Variants in TSPEAR observed in about 807,000 individuals in gnomAD.
The protein encoded by TSPEAR is thrombospondin-type laminin G domain and EAR repeat-containing protein.
TSPEAR carries 69 observed loss-of-function variants against 71.6 expected under a neutral mutation model. The observed-to-expected ratio is 0.96, with a 90% CI of 0.79 to 1.18. The LOEUF is 1.18. Ranked by LOEUF, TSPEAR falls within the 50% of genes most tolerant of loss-of-function variation. TSPEAR has a pLI of 0.00. For synonymous variants in TSPEAR, 402 were observed against 387.2 expected (o/e 1.04, Z -0.45); for missense variants, 971 against 894.9 (o/e 1.09, Z -1.09).
intron 2 of TSPEAR, among the ~76,000 whole-genome samples, chr21:44,566,626 A>G (rs2053706709): frequency 6.6e-6 from 1 of 152,188 alleles, no homozygotes; most frequent in Non-Finnish European, 1.5e-5. Flanking sequence ...CTTGGTTACT[A>G]CAGTAACCAA....
chr21:44,578,672 T>A (rs1472876807), intron 1 of TSPEAR, among the ~76,000 whole-genome samples: 2 of 152,118 alleles, frequency 1.3e-5, no homozygotes, highest in African/African-American at 4.8e-5. Flanking sequence ...TGAGATGGCC[T>A]TGCAGGGAGG....
chr21:44,530,061 G>A, intron 4 of TSPEAR, 107 bp from the exon 5 acceptor site: 2 of 1,187,322 alleles, frequency 1.7e-6, no homozygotes, highest in Non-Finnish European at 2.3e-6. Context: ...AGGCTCGGGT[G>A]GATGGAATCT....
At chr21:44,694,903 C>A (rs149463601) in intron 1 of TSPEAR, among the ~76,000 whole-genome samples, 1 of 152,170 alleles carries the variant, frequency 6.6e-6, no homozygotes, top group Non-Finnish European at 1.5e-5. Flanking sequence ...GAGGACACTC[C>A]GGGTGGAATG....
intron 1 of TSPEAR, among the ~76,000 whole-genome samples, chr21:44,589,892 TGAAG>T (rs1555926183): frequency 6.6e-6 from 1 of 152,186 alleles, no homozygotes; most frequent in Non-Finnish European, 1.5e-5. Context: ...AGCCCTAGGA[TGAAG>T]GCTCGGCCCC....
chr21:44,702,563 G>C, intron 1 of TSPEAR: 1 of 1,609,402 alleles, frequency 6.2e-7, no homozygotes, highest in Non-Finnish European at 8.5e-7. Context: ...CAGCAGTCTA[G>C]CTGCCAGCCG....
rs557990884 is a variant in TSPEAR at position 44,692,824 on chromosome 21, C to T, written c.82+18609G>A. On this transcript the variant is annotated intron_variant, in intron 1 of 11. Coordinates refer to ENST00000323084, the MANE Select transcript of TSPEAR (RefSeq NM_144991.3). ...ATTCAATGCAGTCCTTATCAAAATTCCAAGTCTTTTTTTTTTCCAGAAATG... is the reference window on the plus strand; with the variant it reads ...ATTCAATGCAGTCCTTATCAAAATTTCAAGTCTTTTTTTTTTCCAGAAATG... Among the ~76,000 whole-genome samples, 12 of 152,120 alleles carry T rather than the reference C, an allele frequency of 7.9e-5. No homozygotes were observed. The East Asian group carries it at 2.1e-3, about 27-fold the overall frequency.
chr21:44,580,637 G>C, intron 1 of TSPEAR: 1 of 1,534,260 alleles, frequency 6.5e-7, no homozygotes, highest in Non-Finnish European at 8.9e-7. Context: ...GTGAGTGTGT[G>C]AGTGAGTGAA....
At chr21:44,678,198 A>G (rs1210710619) in intron 1 of TSPEAR, 1 of 424,934 alleles carries the variant, frequency 2.4e-6, no homozygotes, top group Non-Finnish European at 4.3e-6. Flanking sequence ...TCCTATTGAT[A>G]TGGTTTGGAT....
At chr21:44,537,424 CAT>C (rs1184462460) in intron 2 of TSPEAR, among the ~76,000 whole-genome samples, 39 of 152,254 alleles carry the variant, frequency 2.6e-4, no homozygotes, top group African/African-American at 9.4e-4. Context: ...AGCTGAATAA[CAT>C]GGATAAAACA....
chr21:44,566,342 T>C (rs2053703057), intron 2 of TSPEAR, among the ~76,000 whole-genome samples: 1 of 152,176 alleles, frequency 6.6e-6, no homozygotes, highest in Non-Finnish European at 1.5e-5. Flanking sequence ...TATTTTTGTT[T>C]TGTTAAGGAA....
chr21:44,564,760 T>C (rs782484355), intron 2 of TSPEAR, among the ~76,000 whole-genome samples: 18 of 152,084 alleles, frequency 1.2e-4, no homozygotes, highest in Non-Finnish European at 2.9e-5. Context: ...AAAGGAAAAC[T>C]TGAATACAAT....
chr21:44,694,335 C>A (rs1305500107), intron 1 of TSPEAR, among the ~76,000 whole-genome samples: 4 of 152,200 alleles, frequency 2.6e-5, no homozygotes, highest in African/African-American at 9.7e-5. Context: ...TTGTTTGATT[C>A]CTCTTACATG....
At chr21:44,553,353 A>G (rs1243655377) in intron 2 of TSPEAR, among the ~76,000 whole-genome samples, 1 of 152,240 alleles carries the variant, frequency 6.6e-6, no homozygotes, top group African/African-American at 2.4e-5. Context: ...AAAAATAAAA[A>G]ATGTTGAAGA....
intron 1 of TSPEAR, among the ~76,000 whole-genome samples, chr21:44,678,964 A>G (rs1053712812): frequency 6.6e-6 from 1 of 152,230 alleles, no homozygotes; most frequent in South Asian, 2.1e-4. Flanking sequence ...CAGTTTATCT[A>G]CTGTTCCTTG....
intron 2 of TSPEAR, among the ~76,000 whole-genome samples, chr21:44,545,411 G>A (rs2053288545): frequency 6.6e-6 from 1 of 151,900 alleles, no homozygotes. Flanking sequence ...CCCTAAACAG[G>A]TCTAACGTAG....
At chr21:44,518,746 C>T (rs2052666583) in intron 9 of TSPEAR, 1 of 466,902 alleles carries the variant, frequency 2.1e-6, no homozygotes, top group Admixed American at 2.4e-5. Context: ...GCCTCAAGTC[C>T]TGCAACTATT....
intron 1 of TSPEAR, chr21:44,602,035 CCAACTGGGTTTCTCGT>C: frequency 2.0e-6 from 1 of 510,320 alleles, no homozygotes; most frequent in Non-Finnish European, 3.6e-6. Flanking sequence ...TAGACAGGTA[CCAACTGGGTTTCTCGT>C]CACTGTCCCA....
intron 2 of TSPEAR, chr21:44,551,037 C>T (rs150498297): frequency 0.014 from 22,420 of 1,612,362 alleles, 202 homozygotes; most frequent in Non-Finnish European, 0.015. Context: ...GACAGGCACA[C>T]GGCAGGACTG....
chr21:44,666,476 G>C, intron 1 of TSPEAR: 1 of 1,598,932 alleles, frequency 6.3e-7, no homozygotes, highest in Non-Finnish European at 8.5e-7. Flanking sequence ...TGTAGGAGAT[G>C]GGTCTGCAGA....
Sources: allele counts gnomAD v4.1 joint callset (sites outside exome capture counted in the v4.1 genomes callset), GRCh38; gene constraint gnomAD v4.1.1; transcripts MANE v1.5; gene names NCBI Gene and HGNC (gene_info 2026-07-23, HGNC 2026-07-21).